Variants in SLC15A1 observed in about 807,000 individuals in gnomAD.
SLC15A1 encodes the protein solute carrier family 15 member 1.
SLC15A1 carries 83 observed loss-of-function variants against 92.9 expected under a neutral mutation model. The observed-to-expected ratio is 0.89, with a 90% CI of 0.75 to 1.07. The LOEUF (loss-of-function observed/expected upper bound fraction) is 1.07, where lower values mean the gene tolerates loss of function less well. Ranked by LOEUF, SLC15A1 falls within the 50% of genes least tolerant of loss-of-function variation. SLC15A1 has a pLI of 0.00. For synonymous variants in SLC15A1, 322 were observed against 318.2 expected (o/e 1.01, Z -0.13); for missense variants, 857 against 880.1 (o/e 0.97, Z 0.33).
At chr13:98,694,157 C>G (rs2088004379) in intron 18 of SLC15A1, among the ~76,000 whole-genome samples, 2 of 152,168 alleles carry the variant, frequency 1.3e-5, no homozygotes, top group South Asian at 4.1e-4. Flanking sequence ...TTTAAAGCAT[C>G]AAATTATGGT....
Position 98,715,952 on chromosome 13 carries a change from CAA to C in SLC15A1, c.647_648del (p.Phe216CysfsTer19). On this transcript the variant is annotated frameshift_variant, in exon 9 of 23. Coordinates refer to ENST00000376503, the MANE Select transcript of SLC15A1 (RefSeq NM_005073.4). LOFTEE classifies it high-confidence loss of function. ...TTCTTGTACATCCCACTGCCAAGGA[CAA>C]ACACAACTAGATAGGGCAGAAGAAG... is the stretch of plus-strand genomic sequence containing the variant. Reference protein sequence around the residue: ...AALMAVALIVFVLGSGMYKKF... With the variant: ...AALMAVALIVXVLGSGMYKKF... The C allele has an allele frequency of 6.2e-7, 1 of 1,614,078 alleles. No homozygotes were observed. Among genetic ancestry groups the C allele is most frequent in the South Asian group, 1.1e-5 (1 of 91,088 alleles).
intron 18 of SLC15A1, among the ~76,000 whole-genome samples, chr13:98,699,361 C>G (rs908108222): frequency 1.3e-5 from 2 of 152,186 alleles, no homozygotes; most frequent in African/African-American, 4.8e-5. Flanking sequence ...CAGGGTGGGA[C>G]CAGCCCCTCC....
At chr13:98,702,412 T>G (rs2088075172) in intron 18 of SLC15A1, 68 bp downstream of exon 18, 1 of 1,044,688 alleles carries the variant, frequency 9.6e-7, no homozygotes, top group South Asian at 1.3e-5. Context: ...ACATTTGGAC[T>G]TTACTATGGG....
intron 18 of SLC15A1, among the ~76,000 whole-genome samples, chr13:98,689,973 G>A (rs190122670): frequency 8.1e-4 from 124 of 152,300 alleles, no homozygotes; most frequent in African/African-American, 2.8e-3. Flanking sequence ...TGAACAGCAC[G>A]GATGGCTGAT....
chr13:98,726,914 C>T, intron 1 of SLC15A1, 55 bp from the exon 2 acceptor site: 4 of 1,584,428 alleles, frequency 2.5e-6, no homozygotes, highest in Non-Finnish European at 3.5e-6. Flanking sequence ...ATAGTTTTTG[C>T]TGTGTCTAAA....
chr13:98,692,465 A>T (rs1463126377), intron 18 of SLC15A1, among the ~76,000 whole-genome samples: 2 of 151,838 alleles, frequency 1.3e-5, no homozygotes, highest in Non-Finnish European at 2.9e-5. Context: ...GGTCTTCCTA[A>T]ACTTTCTTAT....
chr13:98,702,590 A>T, intron 17 of SLC15A1, 61 bp from the exon 18 acceptor site: 1 of 1,310,714 alleles, frequency 7.6e-7, no homozygotes, highest in Non-Finnish European at 1.1e-6. Context: ...GAATGAGTTC[A>T]GATGAATATT....
chr13:98,752,558 T>C, intron 1 of SLC15A1, 37 bp downstream of exon 1: 2 of 1,267,964 alleles, frequency 1.6e-6, no homozygotes, highest in South Asian at 2.8e-5. Context: ...TAGCTCCGAG[T>C]CTTTAGCCCG....
rs11309992 is a variant in SLC15A1, at chr13:98,686,949, CTT to C, written c.1827+630_1827+631del. On this transcript the variant is annotated intron_variant, in intron 21 of 22. Coordinates refer to ENST00000376503, the MANE Select transcript of SLC15A1 (RefSeq NM_005073.4). ...TTCTTTTAAACTTTTTCTTTTTCTT[CTT>C]TTTTTTTTTTTTTTGAGATGGTGTC... Among the ~76,000 whole-genome samples, 203 of 131,254 alleles carry C rather than the reference CTT, an allele frequency of 1.5e-3. 1 individual carries two copies. Among genetic ancestry groups the C allele is most frequent in the East Asian group, 0.014 (65 of 4,484 alleles). 86.1% of individuals were successfully genotyped at this position (131,254 alleles called of 152,430 possible).
chr13:98,726,706 T>A lies in SLC15A1; in HGVS notation c.21+137A>T, dbSNP rs2088304693. 9 of 886,438 alleles carry A rather than the reference T, an allele frequency of 1.0e-5. No homozygotes were observed. In the East Asian group the frequency reaches 2.2e-4, roughly 21 times the overall value. 54.9% of individuals were successfully genotyped at this position (886,438 alleles called of 1,614,324 possible). On this transcript the variant is annotated intron_variant, in intron 2 of 22. Transcript: ENST00000376503. ...CACAGCATTTCCTCAGGAGAGGACA[T>A]CTCACATGGAAATCCGGGATCATAC...
Position 98,708,736 on chromosome 13 carries a change from G to A in SLC15A1, c.1099C>T (p.Leu367=). 6.2e-7 allele frequency: 1 copy of A among 1,612,914 alleles called. No homozygotes were observed. The highest frequency in any genetic ancestry group is 8.5e-7 in the Non-Finnish European group (1 of 1,179,652). Residue 367 remains leucine (L), a synonymous_variant, in exon 15 of 23, where the codon CTG becomes TTG. Coordinates refer to ENST00000376503, the MANE Select transcript of SLC15A1 (RefSeq NM_005073.4). The part of the protein sequence containing the change: ...SLKKMAVGMV[L]ASMAFVVAAI... ...GCCACCACAAAGGCCATGGAGGCCA[G>A]GACCATGCCAACTGCCATCTTCTTC...
At position 98,709,872 on chromosome 13, in the gene SLC15A1, TC is replaced by T; in HGVS notation, c.939del (p.Ile315SerfsTer14). The T allele has an allele frequency of 6.2e-7, 1 of 1,614,208 alleles. No individual in the cohort carries two copies. Among genetic ancestry groups the T allele is most frequent in the Non-Finnish European group, 8.5e-7 (1 of 1,180,024 alleles). ...AACAAAGGAGTCAAACTTACGATTT[TC>T]CCGGACATAGTTGTTGCCTGCAGTG... ...RWTLQATTMS[G>X]KIGALEIQPD... On this transcript the variant is annotated frameshift_variant, in exon 12 of 23. Coordinates refer to ENST00000376503, the MANE Select transcript of SLC15A1 (RefSeq NM_005073.4). LOFTEE classifies it high-confidence loss of function.
intron 18 of SLC15A1, among the ~76,000 whole-genome samples, chr13:98,692,646 AG>A (rs1269791068): frequency 2.6e-5 from 4 of 152,232 alleles, no homozygotes; most frequent in Non-Finnish European, 5.9e-5. Flanking sequence ...TGAGTTTTGT[AG>A]TAAAACTCTA....
At chr13:98,728,940 C>G (rs1200715850) in intron 1 of SLC15A1, among the ~76,000 whole-genome samples, 1 of 128,426 alleles carries the variant, frequency 7.8e-6, no homozygotes. Context: ...AAGATCACAC[C>G]ACTGCACTCC....
In SLC15A1 at chr13:98,708,772, T is replaced by C. The variant is rs765655795; in HGVS notation, c.1068-5A>G. On this transcript the variant is annotated splice_region_variant and splice_polypyrimidine_tract_variant and intron_variant, in intron 14 of 22. Transcript: ENST00000376503. ...ACTGCCATCTTCTTCAAGGAGCTGA[T>C]GGCACAAGAGAAGAGTGACTCTCAA... 16 of 1,608,566 alleles carry C rather than the reference T, an allele frequency of 9.9e-6. No individual in the cohort carries two copies. Among genetic ancestry groups the C allele is most frequent in the Non-Finnish European group, 1.3e-5 (15 of 1,177,904 alleles).
At chr13:98,706,518 G>A (rs1395186896) in intron 15 of SLC15A1, among the ~76,000 whole-genome samples, 1 of 152,216 alleles carries the variant, frequency 6.6e-6, no homozygotes, top group Non-Finnish European at 1.5e-5. Flanking sequence ...CCCGGGTGTT[G>A]TGGGAGGGAA....
chr13:98,747,196 C>T (rs532696303), intron 1 of SLC15A1, among the ~76,000 whole-genome samples: 95 of 152,264 alleles, frequency 6.2e-4, no homozygotes, highest in African/African-American at 2.1e-3. Flanking sequence ...ATGAGTCAAC[C>T]GTGCTCGCTC....
At chr13:98,735,936 A>C (rs2088390248) in intron 1 of SLC15A1, among the ~76,000 whole-genome samples, 1 of 152,228 alleles carries the variant, frequency 6.6e-6, no homozygotes, top group Non-Finnish European at 1.5e-5. Context: ...TTATAGATTC[A>C]ATGCCATCCC....
chr13:98,739,440 T>TG (rs2139607486), intron 1 of SLC15A1, among the ~76,000 whole-genome samples: 1 of 152,310 alleles, frequency 6.6e-6, no homozygotes, highest in African/African-American at 2.4e-5. Flanking sequence ...AGGTGGGACC[T>TG]GGGGGAGGAC....
Sources: gnomAD v4.1 joint callset for allele counts (sites outside exome capture counted in the v4.1 genomes callset) on GRCh38, gnomAD v4.1.1 for gene constraint, MANE v1.5 for transcripts, NCBI Gene and HGNC (gene_info 2026-07-23, HGNC 2026-07-21) for gene names.